Variants in NOL10 observed in about 807,000 individuals in gnomAD.
NOL10 encodes H_NH0074G24.1.
In NOL10, 58 loss-of-function variants were observed where a neutral mutation model predicts 103.5. That is an observed-to-expected ratio of 0.56 (90% CI 0.45 to 0.70). NOL10 has a LOEUF of 0.70. Ranked by LOEUF, NOL10 falls within the 30% of genes least tolerant of loss-of-function variation. The probability of loss-of-function intolerance (pLI) is 0.00; values close to 1 mark genes in which losing one functional copy is unlikely to be tolerated. For synonymous variants in NOL10, 287 were observed against 282.5 expected, an observed-to-expected ratio of 1.02 and a Z score of -0.16; for missense variants, 763 against 807.3, an observed-to-expected ratio of 0.95 and a Z score of 0.67.
chr2:10,638,849 C>A (rs1678504442), intron 13 of NOL10, among the ~76,000 whole-genome samples: 2 of 119,718 alleles, frequency 1.7e-5, no homozygotes, highest in Admixed American at 1.1e-4. Flanking sequence ...GTTGCCCAGG[C>A]TGGAGTGCAC....
intron 20 of NOL10, among the ~76,000 whole-genome samples, chr2:10,576,554 T>A (rs1388777917): frequency 6.6e-6 from 1 of 152,230 alleles, no homozygotes; most frequent in Non-Finnish European, 1.5e-5. Flanking sequence ...CAATGCAAGC[T>A]ACACCACTGA....
At chr2:10,671,180 TA>T (rs1227951949) in intron 6 of NOL10, among the ~76,000 whole-genome samples, 2 of 152,122 alleles carry the variant, frequency 1.3e-5, no homozygotes, top group African/African-American at 4.8e-5. Flanking sequence ...GATAAACAGA[TA>T]AATAAAACAA....
At chr2:10,688,457 G>A (rs1572460601) in intron 1 of NOL10, among the ~76,000 whole-genome samples, 1 of 152,240 alleles carries the variant, frequency 6.6e-6, no homozygotes, top group East Asian at 1.9e-4. Flanking sequence ...TGGGGCTTTT[G>A]CACTTTCTGT....
In NOL10 at chr2:10,589,052, T is replaced by C; in HGVS notation, c.1835A>G (p.Lys612Arg). The change falls in exon 19 of 21, where the codon AAA becomes AGA. Residue 612 changes from lysine (K) to arginine (R), a missense_variant. Physicochemically the swap from Lys to Arg is conservative, Grantham distance 26. Transcript: ENST00000381685. ...RSFKDSATKQ[K>R]LMNKTLEDRL... ...AGGCAGTGCTACTCACTTCATCAGT[T>C]TCTGCTTTGTGGCAGAATCTTTGAA... 1 of 1,613,898 alleles carries C rather than the reference T, an allele frequency of 6.2e-7. No homozygotes were observed. Among genetic ancestry groups the C allele is most frequent in the South Asian group, 1.1e-5 (1 of 91,084 alleles).
rs758730413 is a variant in NOL10 at position 10,668,688 on chromosome 2, C to T, written c.500G>A (p.Arg167Gln). ...EVYRLNLEQG[R>Q]YLNPLQTDAA... Reference sequence around the variant, plus strand: ...ATCAGTTTGTAGAGGATTCAGGTATCGTCCTTGTTCTAAGTTTAACCTATA... The same window carrying T: ...ATCAGTTTGTAGAGGATTCAGGTATTGTCCTTGTTCTAAGTTTAACCTATA... Residue 167 changes from arginine to glutamine, a missense_variant, in exon 7 of 21, where the codon CGA becomes CAA. Transcript: ENST00000381685. 1.5e-5 allele frequency: 23 copies of T among 1,544,042 alleles called. No individual in the cohort carries two copies. The highest frequency in any genetic ancestry group is 1.9e-5 in the Non-Finnish European group (22 of 1,134,326).
At chr2:10,604,141 G>C (rs1676127046) in intron 14 of NOL10, among the ~76,000 whole-genome samples, 1 of 152,190 alleles carries the variant, frequency 6.6e-6, no homozygotes, top group Non-Finnish European at 1.5e-5. Context: ...TGCCACGGCT[G>C]GCAGGAGGCG....
rs150203535 is a variant in NOL10 at position 10,572,011 on chromosome 2, C to T, written c.*60G>A. On this transcript the variant is annotated 3_prime_UTR_variant, in exon 21 of 21. Coordinates refer to ENST00000381685, the MANE Select transcript of NOL10 (RefSeq NM_024894.4). ...TCCTCGTCTGTGTTTAACACCCTAA[C>T]GATGATCAGTTTGGGGGAGACGTAC... 1.5e-3 allele frequency: 2,374 copies of T among 1,591,940 alleles called. 66 individuals carry two copies. In the South Asian group the frequency reaches 0.025, roughly 17 times the overall value.
intron 13 of NOL10, among the ~76,000 whole-genome samples, chr2:10,627,670 G>A (rs149800062): frequency 9.4e-4 from 140 of 148,530 alleles, no homozygotes; most frequent in African/African-American, 3.3e-3. Context: ...GTAAGACTCC[G>A]TCTCAAAAAA....
chr2:10,638,305 G>A (rs9751106), intron 13 of NOL10, among the ~76,000 whole-genome samples: 43,744 of 90,932 alleles, frequency 0.48, 7,223 homozygotes, highest in Non-Finnish European at 0.52. Flanking sequence ...AACGTAACGT[G>A]ACGTGACGTG....
intron 19 of NOL10, among the ~76,000 whole-genome samples, chr2:10,578,919 C>T (rs1674610252): frequency 6.6e-6 from 1 of 152,158 alleles, no homozygotes; most frequent in South Asian, 2.1e-4. Context: ...TCCTCCCTGC[C>T]CCAGATCAAA....
chr2:10,581,472 C>G (rs1240857178), intron 19 of NOL10, among the ~76,000 whole-genome samples: 4 of 152,152 alleles, frequency 2.6e-5, no homozygotes, highest in African/African-American at 9.7e-5. Flanking sequence ...GAAGGTAAGC[C>G]TACTGTACGT....
Position 10,571,952 on chromosome 2 carries a change from A to T in NOL10, c.*119T>A. On this transcript the variant is annotated 3_prime_UTR_variant, in exon 21 of 21. Coordinates refer to ENST00000381685, the MANE Select transcript of NOL10 (RefSeq NM_024894.4). Reference sequence around the variant, plus strand: ...GGTTTTCAAATCTTTACCTCTGTGTACAAGAACGTACATGAACTTTAAAAA... The same window carrying T: ...GGTTTTCAAATCTTTACCTCTGTGTTCAAGAACGTACATGAACTTTAAAAA... The T allele has an allele frequency of 8.1e-7, 1 of 1,231,686 alleles. No homozygotes were observed. The highest frequency in any genetic ancestry group is 2.4e-5 in the East Asian group (1 of 42,524). 76.3% of individuals were successfully genotyped at this position (1,231,686 alleles called of 1,614,324 possible). A position where few individuals can be genotyped will look rare whatever the true frequency, so the allele number is the denominator to read the frequency against.
chr2:10,625,052 T>C lies in NOL10; in HGVS notation c.1027-17741A>G, dbSNP rs79791354. The stretch of plus-strand genomic sequence containing the variant: ...CCTACATACTGTATGATTTCAGCTA[T>C]ATGACATTTTGGAAAAAAGCAAAAC... On this transcript the variant is annotated intron_variant, in intron 13 of 20. Transcript: ENST00000381685. Among the ~76,000 whole-genome samples the C allele has an allele frequency of 2.2e-4, 33 of 152,300 alleles. No homozygotes were observed. The East Asian group carries it at 6.2e-3, about 28-fold the overall frequency.
rs957719979 is a variant in NOL10 at position 10,627,536 on chromosome 2, G to A, written c.1026+16784C>T. Reference sequence around the variant, plus strand: ...CAAAAATACAAAAAATTAGTCGGGCGTGGTGGCGGGTGCCTGTAGTCCCAG... The same window carrying A: ...CAAAAATACAAAAAATTAGTCGGGCATGGTGGCGGGTGCCTGTAGTCCCAG... On this transcript the variant is annotated intron_variant, in intron 13 of 20. Coordinates refer to ENST00000381685, the MANE Select transcript of NOL10 (RefSeq NM_024894.4). Among the ~76,000 whole-genome samples, 10 of 152,106 alleles carry A rather than the reference G, an allele frequency of 6.6e-5. No individual in the cohort carries two copies. In the East Asian group the frequency reaches 1.7e-3, roughly 26 times the overall value.
intron 17 of NOL10, among the ~76,000 whole-genome samples, chr2:10,597,669 A>G (rs1173567230): frequency 1.3e-5 from 2 of 152,150 alleles, no homozygotes; most frequent in Non-Finnish European, 2.9e-5. Flanking sequence ...GAGCTCTGAT[A>G]ATAGGTCTGA....
rs529832146 is a variant in NOL10, at chr2:10,628,258, A to G, written c.1026+16062T>C. The stretch of plus-strand genomic sequence containing the variant: ...GAGCTTTCTCCAACTTACCACCACT[A>G]GCAGAAATAACACACACAGGTACAC... On this transcript the variant is annotated intron_variant, in intron 13 of 20. Transcript: ENST00000381685. Among the ~76,000 whole-genome samples the G allele has an allele frequency of 1.1e-3, 173 of 152,222 alleles. 1 individual carries two copies. The highest frequency in any genetic ancestry group is 4.1e-3 in the African/African-American group (170 of 41,548).
chr2:10,664,257 C>T (rs181991271), intron 8 of NOL10, among the ~76,000 whole-genome samples: 1 of 151,906 alleles, frequency 6.6e-6, no homozygotes, highest in African/African-American at 2.4e-5. Flanking sequence ...GGTGAAACCC[C>T]GTCTCTACTA....
chr2:10,663,241 C>T (rs1051627807), intron 8 of NOL10, among the ~76,000 whole-genome samples, 197 bp from the exon 9 acceptor site: 8 of 152,036 alleles, frequency 5.3e-5, no homozygotes, highest in Non-Finnish European at 1.2e-4. Flanking sequence ...GTGGTGCACG[C>T]CTGTAATCCC....
At chr2:10,579,998 C>T (rs1674663854) in intron 19 of NOL10, among the ~76,000 whole-genome samples, 1 of 152,218 alleles carries the variant, frequency 6.6e-6, no homozygotes, top group African/African-American at 2.4e-5. Flanking sequence ...AAAACTTGTT[C>T]TGTCTAGGCT....
Sources: allele counts gnomAD v4.1 joint callset (sites outside exome capture counted in the v4.1 genomes callset), GRCh38; gene constraint gnomAD v4.1.1; transcripts MANE v1.5; gene names NCBI Gene and HGNC (gene_info 2026-07-23, HGNC 2026-07-21).